Variants in MXI1 observed in about 807,000 individuals in gnomAD.
MXI1 encodes the protein MAX interactor 1, dimerization protein.
In MXI1, 18 loss-of-function variants were observed where a neutral mutation model predicts 36.9. The ratio of observed to expected loss-of-function variants is 0.49; its 90% CI spans 0.34 to 0.72. The LOEUF (loss-of-function observed/expected upper bound fraction) is 0.72. Among genes scored for constraint, MXI1 ranks in the 30% least tolerant of loss-of-function variants. MXI1 has a pLI of 0.01. For synonymous variants in MXI1, 160 were observed against 146.7 expected (o/e 1.09, Z -0.65); for missense variants, 304 against 379.1 (o/e 0.80, Z 1.64).
At chr10:110,267,679 T>G (rs1856721543) in intron 3 of MXI1, among the ~76,000 whole-genome samples, 1 of 152,212 alleles carries the variant, frequency 6.6e-6, no homozygotes, top group East Asian at 1.9e-4. Flanking sequence ...GCTGATTGAC[T>G]TTTCAAGACT....
chr10:110,256,618 A>AG (rs1209330070), intron 3 of MXI1, among the ~76,000 whole-genome samples: 1 of 150,898 alleles, frequency 6.6e-6, no homozygotes, highest in African/African-American at 2.4e-5. Context: ...AAAAAAAAAA[A>AG]AAAAAAAAAA....
chr10:110,262,233 CAATAT>C (rs1434981411), intron 3 of MXI1, among the ~76,000 whole-genome samples: 3 of 152,024 alleles, frequency 2.0e-5, no homozygotes, highest in African/African-American at 4.8e-5. Context: ...CTAAACAATA[CAATAT>C]AACAACTATT....
chr10:110,226,969 G>A (rs867105915), intron 1 of MXI1, among the ~76,000 whole-genome samples: 6 of 18,418 alleles, frequency 3.3e-4, no homozygotes, highest in Middle Eastern at 0.022. Flanking sequence ...GGGGAGGGGC[G>A]CGCGGGTGTG....
At chr10:110,262,324 G>A (rs764895994) in intron 3 of MXI1, among the ~76,000 whole-genome samples, 5 of 152,088 alleles carry the variant, frequency 3.3e-5, no homozygotes, top group Non-Finnish European at 7.4e-5. Flanking sequence ...GATGTACATA[G>A]GTTATATGCA....
rs990710075 is a variant in MXI1 at position 110,253,595 on chromosome 10, C to T, written c.437+8738C>T. Among the ~76,000 whole-genome samples, 3 of 152,222 alleles carry T rather than the reference C, an allele frequency of 2.0e-5. 1 individual carries two copies. The highest frequency in any genetic ancestry group is 4.1e-4 in the South Asian group (2 of 4,828). ...TGGTTTGACAGAACTTTCTTTAAAACTCTTACCTCAACTAATAGTACTTAA... is the reference window on the plus strand; with the variant it reads ...TGGTTTGACAGAACTTTCTTTAAAATTCTTACCTCAACTAATAGTACTTAA... On this transcript the variant is annotated intron_variant, in intron 3 of 5. Transcript: ENST00000332674.
intron 3 of MXI1, among the ~76,000 whole-genome samples, chr10:110,250,018 G>C (rs1856017944): frequency 6.6e-6 from 1 of 152,166 alleles, no homozygotes; most frequent in African/African-American, 2.4e-5. Context: ...ATCTCCGAGG[G>C]AAGCCTAATG....
intron 3 of MXI1, among the ~76,000 whole-genome samples, chr10:110,263,112 A>G (rs1054930220): frequency 2.0e-5 from 3 of 152,186 alleles, no homozygotes; most frequent in African/African-American, 7.2e-5. Flanking sequence ...AGTAAGGAAC[A>G]TTTCTGTAGC....
chr10:110,242,303 ATATCT>A (rs1855696530), intron 2 of MXI1, among the ~76,000 whole-genome samples: 1 of 152,026 alleles, frequency 6.6e-6, no homozygotes, highest in African/African-American at 2.4e-5. Context: ...ATTGCTAAAC[ATATCT>A]TAATTTACCC....
rs566461626 is a variant in MXI1 at position 110,228,261 on chromosome 10, G to A, written c.347G>A (p.Arg116Gln). Residue 116 changes from arginine (R) to glutamine (Q), a missense_variant, in exon 2 of 6, where the codon CGG becomes CAG. Arg to Gln is a conservative substitution (Grantham distance 43). Around this residue, in one of 2 missense-constraint regions of MXI1, gnomAD observed 179 missense variants for 184.8 expected, o/e 0.97. Transcript: ENST00000332674. The stretch of plus-strand genomic sequence containing the variant: ...CGACTGCAGCATTCAAAGCCCCCAC[G>A]GAGGTTGAGCCGGGCACAGAAACAC... ...SPRLQHSKPP[R>Q]RLSRAQKHSS... 5 of 1,614,112 alleles carry A rather than the reference G, an allele frequency of 3.1e-6. No individual in the cohort carries two copies. Among genetic ancestry groups the A allele is most frequent in the Non-Finnish European group, 4.2e-6 (5 of 1,180,012 alleles).
At chr10:110,222,216 C>G (rs1854832329) in intron 1 of MXI1, among the ~76,000 whole-genome samples, 1 of 152,152 alleles carries the variant, frequency 6.6e-6, no homozygotes. Flanking sequence ...AGTTCACCTC[C>G]CGTGTCCCCA....
At chr10:110,279,602 T>C (rs1441348949) in intron 4 of MXI1, among the ~76,000 whole-genome samples, 1 of 152,254 alleles carries the variant, frequency 6.6e-6, no homozygotes, top group East Asian at 1.9e-4. Context: ...TGTCCTTCCG[T>C]ATTTTTCCAT....
At position 110,227,300 on chromosome 10, in the gene MXI1, A is replaced by T. The variant is rs904136976; in HGVS notation, c.275-889A>T. On this transcript the variant is annotated intron_variant, in intron 1 of 5. Coordinates refer to ENST00000332674, the MANE Select transcript of MXI1 (RefSeq NM_130439.3). The stretch of plus-strand genomic sequence containing the variant: ...TGTGGGAGGGGCGTGCGCGTGTGGG[A>T]GGGGCGGGTGCGGGGAGGGGCGCGC... 5.1e-6 allele frequency: 3 copies of T among 587,002 alleles called. No individual in the cohort carries two copies. In the East Asian group the frequency reaches 1.2e-3, roughly 232 times the overall value. 36.4% of individuals were successfully genotyped at this position (587,002 alleles called of 1,614,324 possible).
At chr10:110,254,638 T>A (rs1856220029) in intron 3 of MXI1, among the ~76,000 whole-genome samples, 1 of 152,186 alleles carries the variant, frequency 6.6e-6, no homozygotes, top group Non-Finnish European at 1.5e-5. Context: ...GAATTAAAAG[T>A]GCTACTCTGG....
chr10:110,261,038 C>T (rs1856493024), intron 3 of MXI1: 1 of 984,758 alleles, frequency 1.0e-6, no homozygotes, highest in African/African-American at 1.7e-5. Flanking sequence ...ATGGAGTGAG[C>T]CATATACCAG....
In MXI1 at chr10:110,285,679, C is replaced by T. The variant is rs1445747269; in HGVS notation, c.*692C>T. The T allele has an allele frequency of 3.9e-5, 6 of 152,412 alleles. No homozygotes were observed. The highest frequency in any genetic ancestry group is 4.1e-4 in the South Asian group (2 of 4,826). 9.4% of individuals were successfully genotyped at this position (152,412 alleles called of 1,614,324 possible). On this transcript the variant is annotated 3_prime_UTR_variant, in exon 6 of 6. Coordinates refer to ENST00000332674, the MANE Select transcript of MXI1 (RefSeq NM_130439.3). ...ATCCTGCATTGTTAGCACTAGGCAC[C>T]CAGCTGCCACCTCTCCATCCTGCTG...
chr10:110,216,665 G>GTTTTTTTTTTTTTTTTGTTTTTTTT (rs1854646987), intron 1 of MXI1, among the ~76,000 whole-genome samples: 1 of 79,060 alleles, frequency 1.3e-5, no homozygotes, highest in African/African-American at 8.0e-5. Flanking sequence ...TGTGTTTAAT[G>GTTTTTTTTTTTTTTTTGTTTTTTTT]TTTTTTTTTT....
At chr10:110,254,249 T>TA (rs1856203498) in intron 3 of MXI1, among the ~76,000 whole-genome samples, 1 of 152,068 alleles carries the variant, frequency 6.6e-6, no homozygotes, top group Non-Finnish European at 1.5e-5. Flanking sequence ...TTTCATACGT[T>TA]ACGATGATCT....
Position 110,285,545 on chromosome 10 carries a change from AAAG to A in MXI1, c.*559_*561del, listed in dbSNP as rs1406562135. On this transcript the variant is annotated 3_prime_UTR_variant, in exon 6 of 6. Coordinates refer to ENST00000332674, the MANE Select transcript of MXI1 (RefSeq NM_130439.3). ...TTATTATTATTTTTTTTTTTTGAAA[AAAG>A]CTCATTTCATGCTCTGCAAAAGGAG... The A allele has an allele frequency of 1.3e-5, 2 of 152,180 alleles. No homozygotes were observed. Among genetic ancestry groups the A allele is most frequent in the Admixed American group, 6.6e-5 (1 of 15,252 alleles). 9.4% of individuals were successfully genotyped at this position (152,180 alleles called of 1,614,324 possible). A position where few individuals can be genotyped will look rare whatever the true frequency, so the allele number is the denominator to read the frequency against.
At chr10:110,280,312 T>G (rs992906059) in intron 5 of MXI1, among the ~76,000 whole-genome samples, 1 of 151,474 alleles carries the variant, frequency 6.6e-6, no homozygotes, top group African/African-American at 2.4e-5. Flanking sequence ...ATAAATTATA[T>G]AATGTCCCTC....
Sources: allele counts gnomAD v4.1 joint callset (sites outside exome capture counted in the v4.1 genomes callset), GRCh38; gene constraint gnomAD v4.1.1; regional missense constraint gnomAD v4.1.1; transcripts MANE v1.5; gene names NCBI Gene and HGNC (gene_info 2026-07-23, HGNC 2026-07-21).